The following ACTR3C variants were observed in gnomAD, a reference collection of about 807,000 sequenced individuals.
The protein encoded by ACTR3C is actin-related protein 3C.
A neutral mutation model predicts 26.3 loss-of-function variants in ACTR3C; 18 were observed. That is an observed-to-expected ratio of 0.68 (90% CI 0.47 to 1.01). The LOEUF is 1.01. Ranked by LOEUF, ACTR3C falls within the 50% of genes least tolerant of loss-of-function variation. The pLI is 0.00. For missense variants in ACTR3C, 184 were observed against 250.7 expected (o/e 0.73, Z 1.80); for synonymous variants, 55 against 94.5 (o/e 0.58, Z 2.42).
intron 1 of ACTR3C, among the ~76,000 whole-genome samples, chr7:150,310,316 C>A (rs945034647): frequency 5.3e-5 from 8 of 152,116 alleles, no homozygotes; most frequent in Admixed American, 4.6e-4. Flanking sequence ...AACCTAATCA[C>A]CCTTACCCTG....
chr7:149,898,782 C>G, the ACTR3C span, among the ~76,000 whole-genome samples: 10 of 152,218 alleles, frequency 6.6e-5, no homozygotes, highest in African/African-American at 2.4e-4. Flanking sequence ...AAGTATACTT[C>G]TTTTAACAAC....
At chr7:150,199,698 A>T in the ACTR3C span, among the ~76,000 whole-genome samples, 5 of 143,820 alleles carry the variant, frequency 3.5e-5, no homozygotes, top group African/African-American at 5.2e-5. Context: ...TAAAAAAAAA[A>T]AAATAAATGT....
At chr7:149,884,237 CCA>C in the ACTR3C span, among the ~76,000 whole-genome samples, 2 of 152,170 alleles carry the variant, frequency 1.3e-5, no homozygotes, top group African/African-American at 4.8e-5. Flanking sequence ...CTGGCAGGCA[CCA>C]CAGTTTTGCT....
chr7:150,166,977 A>G, the ACTR3C span, among the ~76,000 whole-genome samples: 1 of 149,572 alleles, frequency 6.7e-6, no homozygotes, highest in South Asian at 2.1e-4. Flanking sequence ...TGCAAATGAC[A>G]GGATTTTATT....
the ACTR3C span, among the ~76,000 whole-genome samples, chr7:149,882,418 C>T: frequency 8.9e-3 from 1,356 of 152,274 alleles, 22 homozygotes; most frequent in African/African-American, 0.031. Flanking sequence ...GAGAGCTGCT[C>T]GCTGCTCTCT....
At chr7:149,936,818 T>C in the ACTR3C span, among the ~76,000 whole-genome samples, 1 of 152,026 alleles carries the variant, frequency 6.6e-6, no homozygotes, top group Admixed American at 6.6e-5. Context: ...AGACAGGATC[T>C]TGCTCTGTTG....
chr7:150,049,180 C>T, the ACTR3C span, among the ~76,000 whole-genome samples: 1 of 152,044 alleles, frequency 6.6e-6, no homozygotes, highest in South Asian at 2.1e-4. Context: ...CTCCGCTCCT[C>T]CGCTCCAGGC....
At chr7:150,129,084 C>T in the ACTR3C span, among the ~76,000 whole-genome samples, 2 of 151,324 alleles carry the variant, frequency 1.3e-5, no homozygotes, top group Non-Finnish European at 2.9e-5. Context: ...TCCTATGGGA[C>T]CTTTAGCTCA....
At chr7:149,999,639 AAG>A in the ACTR3C span, among the ~76,000 whole-genome samples, 1 of 151,594 alleles carries the variant, frequency 6.6e-6, no homozygotes, top group South Asian at 2.1e-4. Flanking sequence ...GGCTACAGCA[AAG>A]GGAGTGACTC....
the ACTR3C span, among the ~76,000 whole-genome samples, chr7:150,126,807 G>C: frequency 6.6e-6 from 1 of 152,162 alleles, no homozygotes; most frequent in African/African-American, 2.4e-5. Context: ...CTTGTCTGTG[G>C]TATGTTCACG....
At chr7:150,035,490 C>A in the ACTR3C span, among the ~76,000 whole-genome samples, 1 of 96,768 alleles carries the variant, frequency 1.0e-5, no homozygotes. Flanking sequence ...CAGCCAGGGG[C>A]GGAAGAGGGG....
chr7:149,887,024 G>A, the ACTR3C span, among the ~76,000 whole-genome samples: 4 of 151,196 alleles, frequency 2.6e-5, no homozygotes, highest in African/African-American at 7.3e-5. Flanking sequence ...GATGAGTAGG[G>A]CAATGAACAG....
At chr7:149,970,853 T>G in the ACTR3C span, among the ~76,000 whole-genome samples, 1 of 152,206 alleles carries the variant, frequency 6.6e-6, no homozygotes, top group Non-Finnish European at 1.5e-5. Context: ...ATCTTTCTGA[T>G]TCAGTATCCC....
the ACTR3C span, among the ~76,000 whole-genome samples, chr7:150,037,853 G>C: frequency 9.3e-4 from 76 of 82,120 alleles, 2 homozygotes; most frequent in South Asian, 3.0e-3. Flanking sequence ...GGGTGCCTCC[G>C]CCCCCAGCGA....
the ACTR3C span, among the ~76,000 whole-genome samples, chr7:149,951,426 G>A: frequency 6.8e-6 from 1 of 147,856 alleles, no homozygotes; most frequent in Non-Finnish European, 1.5e-5. Flanking sequence ...GGACCCAAGA[G>A]TTTGGCTGGG....
At chr7:150,093,591 C>G in the ACTR3C span, among the ~76,000 whole-genome samples, 1 of 150,896 alleles carries the variant, frequency 6.6e-6, no homozygotes, top group Non-Finnish European at 1.5e-5. Context: ...GGGTGCTGTC[C>G]AGGTGGGTGC....
At chr7:149,918,984 G>C in the ACTR3C span, among the ~76,000 whole-genome samples, 29 of 152,272 alleles carry the variant, frequency 1.9e-4, no homozygotes, top group East Asian at 1.9e-3. Flanking sequence ...GAGACCCTCT[G>C]CCGCCCCACA....
At chr7:150,112,805 T>A in the ACTR3C span, among the ~76,000 whole-genome samples, 1 of 152,086 alleles carries the variant, frequency 6.6e-6, no homozygotes, top group Admixed American at 6.6e-5. Flanking sequence ...AGGGTTCAGG[T>A]CCTGGTGCCC....
chr7:150,176,742 G>C, the ACTR3C span, among the ~76,000 whole-genome samples: 1 of 150,694 alleles, frequency 6.6e-6, no homozygotes, highest in Non-Finnish European at 1.5e-5. Context: ...CTTCTCTTAG[G>C]AGACTTAAAG....
Sources: allele counts gnomAD v4.1 joint callset (sites outside exome capture counted in the v4.1 genomes callset), GRCh38; gene constraint gnomAD v4.1.1; transcripts MANE v1.5; gene names NCBI Gene and HGNC (gene_info 2026-07-23, HGNC 2026-07-21).